The following COX15 variants were observed in gnomAD, a reference collection of about 807,000 sequenced individuals.
COX15 encodes cytochrome c oxidase assembly factor COX15, also known as heme A synthase COX15.
A neutral mutation model predicts 51.9 loss-of-function variants in COX15; 51 were observed. That is an observed-to-expected ratio of 0.98 (90% CI 0.78 to 1.24). The LOEUF (loss-of-function observed/expected upper bound fraction) is 1.24. COX15 is among the 50% of genes most tolerant of loss of function. The pLI is 0.00. For synonymous variants in COX15, 188 were observed against 190.5 expected (o/e 0.99, Z 0.11); for missense variants, 420 against 501.1 (o/e 0.84, Z 1.55).
rs781598692 is a variant in COX15, at chr10:99,718,317, T to C, written c.987+29A>G. 13 of 1,613,594 alleles carry C rather than the reference T, an allele frequency of 8.1e-6. No homozygotes were observed. In the South Asian group the frequency reaches 1.4e-4, roughly 18 times the overall value. The stretch of plus-strand genomic sequence containing the variant: ...AAGCCTATGATAGGCTCCTGTGCTC[T>C]CTGGCAGGTAACCACCAACTACACT... On this transcript the variant is annotated intron_variant, in intron 7 of 8. Transcript: ENST00000016171.
At chr10:99,695,881 G>T in the COX15 span, 1 of 1,392,164 alleles carries the variant, frequency 7.2e-7, no homozygotes, top group Non-Finnish European at 9.8e-7. Flanking sequence ...GAAGCCTCGT[G>T]TATTAGCAAT....
At chr10:99,698,464 T>C in the COX15 span, 27 of 1,438,930 alleles carry the variant, frequency 1.9e-5, no homozygotes, top group African/African-American at 4.2e-5. Flanking sequence ...ATGCACATTG[T>C]GTTTCTTAGA....
At position 99,713,918 on chromosome 10, in the gene COX15, C is replaced by G. The variant is rs957495620; in HGVS notation, c.*669G>C. 3.7e-5 allele frequency: 30 copies of G among 814,284 alleles called. No individual in the cohort carries two copies. The highest frequency in any genetic ancestry group is 5.8e-4 in the Middle Eastern group (1 of 1,712). 50.4% of individuals were successfully genotyped at this position (814,284 alleles called of 1,614,324 possible). A position where few individuals can be genotyped will look rare whatever the true frequency, so the allele number is the denominator to read the frequency against. On this transcript the variant is annotated 3_prime_UTR_variant, in exon 9 of 9. Transcript: ENST00000016171. ...TGGGAAGTGGAGGTTGCAGAGTGAG[C>G]TGAGATCACGCCATTGTACTCCAGC...
At chr10:99,730,010 T>C (rs1335766912) in intron 1 of COX15, among the ~76,000 whole-genome samples, 1 of 152,192 alleles carries the variant, frequency 6.6e-6, no homozygotes, top group East Asian at 1.9e-4. Flanking sequence ...TATGGAATAT[T>C]TTCTTTCACC....
the COX15 span, among the ~76,000 whole-genome samples, chr10:99,696,984 A>T: frequency 6.6e-6 from 1 of 152,212 alleles, no homozygotes; most frequent in Non-Finnish European, 1.5e-5. Context: ...GCTGATACTA[A>T]GCAAACAACA....
chr10:99,715,341 G>A (rs577455528), intron 8 of COX15, among the ~76,000 whole-genome samples: 1 of 152,044 alleles, frequency 6.6e-6, no homozygotes, highest in Non-Finnish European at 1.5e-5. Context: ...GTTTCATCAT[G>A]TTGGCCAGGC....
chr10:99,713,873 GC>G lies in COX15; in HGVS notation c.*713del, dbSNP rs2036479527. The G allele has an allele frequency of 2.1e-6, 1 of 471,680 alleles. No homozygotes were observed. Among genetic ancestry groups the G allele is most frequent in the Non-Finnish European group, 3.0e-6 (1 of 333,926 alleles). The allele number at this position is 471,680 out of a possible 1,614,324, so 29.2% of individuals were successfully genotyped here. ...AGTCCCAGCTACTCGGGAGGCTGAG[GC>G]ATGAGAATCGCTTGAACCTGGGAAG... On this transcript the variant is annotated 3_prime_UTR_variant, in exon 9 of 9. Transcript: ENST00000016171.
chr10:99,730,103 T>A (rs947569999), intron 1 of COX15, among the ~76,000 whole-genome samples: 1 of 152,244 alleles, frequency 6.6e-6, no homozygotes, highest in East Asian at 1.9e-4. Context: ...TCCGCTTACA[T>A]GTCACCTCCT....
chr10:99,711,927 T>G lies in COX15; in HGVS notation c.*2660A>C. ...GCATGGCGCTGGCATCTGCTTCTGG[T>G]GAGGGCCTCACGAAGCTTACAATCA... On this transcript the variant is annotated 3_prime_UTR_variant, in exon 9 of 9. Coordinates refer to ENST00000016171, the MANE Select transcript of COX15 (RefSeq NM_078470.6). The G allele has an allele frequency of 1.5e-6, 1 of 688,336 alleles. No homozygotes were observed. Among genetic ancestry groups the G allele is most frequent in the Non-Finnish European group, 1.8e-6 (1 of 558,836 alleles). 42.6% of individuals were successfully genotyped at this position (688,336 alleles called of 1,614,324 possible).
At chr10:99,707,168 G>A (rs2036270211), downstream of COX15, among the ~76,000 whole-genome samples, 1 of 151,986 alleles carries the variant, frequency 6.6e-6, no homozygotes, top group South Asian at 2.1e-4. Context: ...TTTTGTCTTG[G>A]AGTGTTTAAT....
In COX15 at chr10:99,718,492, C is replaced by A. The variant is rs201703572; in HGVS notation, c.841G>T (p.Val281Leu). Residue 281 changes from valine (V) to leucine (L), a missense_variant, in exon 7 of 9, where the codon GTG becomes TTG. Val to Leu is a conservative substitution (Grantham distance 32, BLOSUM62 1). Coordinates refer to ENST00000016171, the MANE Select transcript of COX15 (RefSeq NM_078470.6). ...ACAAGCCCAGCATCTAGCCCTGCCACAAAAGCCCCTGTATTCCAAGGTAAA... is the reference window on the plus strand; with the variant it reads ...ACAAGCCCAGCATCTAGCCCTGCCAAAAAAGCCCCTGTATTCCAAGGTAAA... ...VFLTALSGAF[V>L]AGLDAGLVYN... 1 of 1,614,172 alleles carries A rather than the reference C, an allele frequency of 6.2e-7. No homozygotes were observed. Among genetic ancestry groups the A allele is most frequent in the South Asian group, 1.1e-5 (1 of 91,082 alleles).
the COX15 span, among the ~76,000 whole-genome samples, chr10:99,700,430 GTGTGTGTGTGTGTGTT>G: frequency 5.0e-3 from 419 of 84,586 alleles, 1 homozygote; most frequent in African/African-American, 0.016. Context: ...GTGTGTGTGT[GTGTGTGTGTGTGTGTT>G]TATTGTCTGT....
Position 99,724,137 on chromosome 10 carries a change from G to C in COX15, c.583-14C>G. On this transcript the variant is annotated splice_polypyrimidine_tract_variant and intron_variant, in intron 4 of 8. Coordinates refer to ENST00000016171, the MANE Select transcript of COX15 (RefSeq NM_078470.6). ...TCCCAACAGACCCTAGAACCCCCAA[G>C]AGATGAAGCAAACAAAACAAGGTTA... 1 of 1,613,980 alleles carries C rather than the reference G, an allele frequency of 6.2e-7. No homozygotes were observed. Among genetic ancestry groups the C allele is most frequent in the South Asian group, 1.1e-5 (1 of 91,062 alleles).
intron 8 of COX15, 124 bp from the exon 9 acceptor site, chr10:99,714,842 C>A: frequency 6.6e-7 from 1 of 1,514,368 alleles, no homozygotes; most frequent in Non-Finnish European, 8.9e-7. Context: ...AAAATACACA[C>A]ATTTTTAATT....
chr10:99,712,569 T>TGTATGG lies in COX15; in HGVS notation c.*2012_*2017dup. The TGTATGG allele has an allele frequency of 1.0e-6, 1 of 984,870 alleles. No individual in the cohort carries two copies. Among genetic ancestry groups the TGTATGG allele is most frequent in the South Asian group, 4.7e-5 (1 of 21,282 alleles). 61.0% of individuals were successfully genotyped at this position (984,870 alleles called of 1,614,324 possible). Reference sequence around the variant, plus strand: ...TCTTCCTTTGTATTTGTATTGTCACTGTATGGAATCTAGGTATATCCAAGG... The same window carrying TGTATGG: ...TCTTCCTTTGTATTTGTATTGTCACTGTATGGGTATGGAATCTAGGTATATCCAAGG... On this transcript the variant is annotated 3_prime_UTR_variant, in exon 9 of 9. Coordinates refer to ENST00000016171, the MANE Select transcript of COX15 (RefSeq NM_078470.6).
intron 4 of COX15, among the ~76,000 whole-genome samples, chr10:99,725,844 C>T (rs1213314636): frequency 1.3e-5 from 2 of 152,196 alleles, no homozygotes; most frequent in Non-Finnish European, 2.9e-5. Context: ...CCACTGCACC[C>T]GGCCTTAATC....
At chr10:99,703,165 T>C in the COX15 span, among the ~76,000 whole-genome samples, 46 of 152,234 alleles carry the variant, frequency 3.0e-4, no homozygotes, top group African/African-American at 1.1e-3. Flanking sequence ...GAGATGTTTT[T>C]AGTGGGGCTA....
the COX15 span, among the ~76,000 whole-genome samples, chr10:99,698,343 C>T: frequency 2.6e-5 from 4 of 152,084 alleles, no homozygotes; most frequent in Admixed American, 6.5e-5. Flanking sequence ...CACCATATTC[C>T]TCTCTTTTTT....
the COX15 span, chr10:99,704,842 C>A: frequency 1.5e-6 from 1 of 673,032 alleles, no homozygotes. Context: ...TTCTCCGTAC[C>A]CAGGTCTTCT....
Sources: allele counts gnomAD v4.1 joint callset (sites outside exome capture counted in the v4.1 genomes callset), GRCh38; gene constraint gnomAD v4.1.1; transcripts MANE v1.5; gene names NCBI Gene and HGNC (gene_info 2026-07-23, HGNC 2026-07-21).